PLD5: variants seen among roughly 807,000 people sequenced by gnomAD.
PLD5 encodes phospholipase D family member 5, also known as inactive phospholipase D5.
PLD5 carries 36 observed loss-of-function variants against 61.1 expected under a neutral mutation model. The ratio of observed to expected loss-of-function variants is 0.59; its 90% CI spans 0.45 to 0.78. The LOEUF (loss-of-function observed/expected upper bound fraction) is 0.78. Among genes scored for constraint, PLD5 ranks in the 30% least tolerant of loss-of-function variants. The pLI, the probability that PLD5 is intolerant of heterozygous loss-of-function variation, is 0.00. For synonymous variants in PLD5, 243 were observed against 242.8 expected (o/e 1.00, Z -0.01); for missense variants, 515 against 644.4 (o/e 0.80, Z 2.17).
chr1:242,382,401 G>C (rs1662349232), intron 1 of PLD5, among the ~76,000 whole-genome samples: 1 of 152,132 alleles, frequency 6.6e-6, no homozygotes, highest in South Asian at 2.1e-4. Context: ...GAGAGTGGTA[G>C]GTCAGAGGAG....
chr1:242,347,917 T>A (rs1660231358), intron 2 of PLD5, among the ~76,000 whole-genome samples, 189 bp downstream of exon 2: 1 of 152,152 alleles, frequency 6.6e-6, no homozygotes, highest in Non-Finnish European at 1.5e-5. Flanking sequence ...GATTGTAAAG[T>A]GAATTCAATC....
rs186688053 is a variant in PLD5 at position 242,356,842 on chromosome 1, C to T, written c.190-8600G>A. Among the ~76,000 whole-genome samples, 26 of 152,160 alleles carry T rather than the reference C, an allele frequency of 1.7e-4. No homozygotes were observed. In the East Asian group the frequency reaches 4.8e-3, roughly 28 times the overall value. On this transcript the variant is annotated intron_variant, in intron 1 of 9. Coordinates refer to ENST00000536534, the MANE Select transcript of PLD5 (RefSeq NM_001372062.1). ...TTACTCCCCTCTTCCAAATTTTATG[C>T]TTTTGATGTCCAAATTAACATTTTA...
intron 5 of PLD5, among the ~76,000 whole-genome samples, chr1:242,149,922 C>A (rs1048062484): frequency 2.0e-5 from 3 of 151,728 alleles, no homozygotes; most frequent in African/African-American, 7.3e-5. Flanking sequence ...TGTTCAAGAA[C>A]TAGATTTTTA....
chr1:242,271,481 A>C (rs2149112891), intron 3 of PLD5, among the ~76,000 whole-genome samples: 1 of 152,306 alleles, frequency 6.6e-6, no homozygotes, highest in Middle Eastern at 3.4e-3. Flanking sequence ...GAGAAAGAAC[A>C]ACCTCTCACC....
At chr1:242,487,232 G>T (rs1428556427) in intron 1 of PLD5, among the ~76,000 whole-genome samples, 1 of 150,874 alleles carries the variant, frequency 6.6e-6, no homozygotes, top group Non-Finnish European at 1.5e-5. Context: ...AGTGACCAAA[G>T]AAAAAAAAGA....
At chr1:242,457,943 C>G (rs945347460) in intron 1 of PLD5, among the ~76,000 whole-genome samples, 2 of 152,182 alleles carry the variant, frequency 1.3e-5, no homozygotes, top group Non-Finnish European at 2.9e-5. Flanking sequence ...TGTAGATGAT[C>G]GTTGTCCTGA....
At chr1:242,271,709 T>C (rs1356504393) in intron 3 of PLD5, among the ~76,000 whole-genome samples, 1 of 152,284 alleles carries the variant, frequency 6.6e-6, no homozygotes, top group African/African-American at 2.4e-5. Context: ...GGGGAACATA[T>C]TCATATTTAA....
intron 3 of PLD5, among the ~76,000 whole-genome samples, chr1:242,285,236 A>G (rs980674488): frequency 1.3e-5 from 2 of 152,206 alleles, no homozygotes; most frequent in Non-Finnish European, 2.9e-5. Context: ...TTCTACATCA[A>G]TAACATCTAC....
At chr1:242,529,795 C>CTTCT in the PLD5 span, among the ~76,000 whole-genome samples, 2 of 143,506 alleles carry the variant, frequency 1.4e-5, no homozygotes, top group Non-Finnish European at 3.1e-5. Context: ...TCCTTCCTTC[C>CTTCT]TTCCTTCCTT....
At chr1:242,512,862 CTT>C (rs768301503) in intron 1 of PLD5, among the ~76,000 whole-genome samples, 6 of 128,858 alleles carry the variant, frequency 4.7e-5, no homozygotes, top group Non-Finnish European at 1.0e-4. Flanking sequence ...CCACTGAATT[CTT>C]TTTTATTTTT....
intron 1 of PLD5, among the ~76,000 whole-genome samples, chr1:242,464,614 G>T (rs545213572): frequency 5.9e-5 from 9 of 152,288 alleles, no homozygotes; most frequent in Admixed American, 5.9e-4. Flanking sequence ...TCCTCAAAAG[G>T]TTAAACACAG....
intron 5 of PLD5, among the ~76,000 whole-genome samples, chr1:242,209,928 G>A (rs542367672): frequency 2.0e-5 from 3 of 152,248 alleles, no homozygotes; most frequent in South Asian, 2.1e-4. Flanking sequence ...CTGAGTAGCT[G>A]GGATTACAGG....
upstream of PLD5, among the ~76,000 whole-genome samples, chr1:242,529,285 AT>A (rs948656979): frequency 7.2e-5 from 11 of 152,276 alleles, no homozygotes; most frequent in African/African-American, 2.4e-4. Context: ...TAAAATGACA[AT>A]GAAGGTTTTT....
At chr1:242,512,565 C>T (rs1281005854) in intron 1 of PLD5, among the ~76,000 whole-genome samples, 4 of 152,098 alleles carry the variant, frequency 2.6e-5, no homozygotes, top group African/African-American at 9.7e-5. Context: ...CAAGCTAGAA[C>T]AATGTACTCA....
chr1:242,503,580 C>A (rs1469696348), intron 1 of PLD5, among the ~76,000 whole-genome samples: 1 of 152,188 alleles, frequency 6.6e-6, no homozygotes, highest in Non-Finnish European at 1.5e-5. Flanking sequence ...TATAAGCAGA[C>A]CTGTGCTTCA....
In PLD5 at chr1:242,100,724, G is replaced by T. The variant is rs758123792; in HGVS notation, c.1298C>A (p.Thr433Asn). 9.3e-6 allele frequency: 15 copies of T among 1,613,842 alleles called. No individual in the cohort carries two copies. Among genetic ancestry groups the T allele is most frequent in the Non-Finnish European group, 1.0e-5 (12 of 1,180,008 alleles). Reference sequence around the variant, plus strand: ...CTTGTTGCGATTTAACCTAGGAAAGGTGTGATTCTTTTGTTCTTTTGTAGC... The same window carrying T: ...CTTGTTGCGATTTAACCTAGGAAAGTTGTGATTCTTTTGTTCTTTTGTAGC... ...ACATKEQKNH[T>N]FPRLNRNKYM... Residue 433 changes from threonine (T) to asparagine (N), a missense_variant, in exon 9 of 10, where the codon ACC becomes AAC. Coordinates refer to ENST00000536534, the MANE Select transcript of PLD5 (RefSeq NM_001372062.1).
Position 242,100,695 on chromosome 1 carries a change from T to G in PLD5, c.1327A>C (p.Met443Leu), listed in dbSNP as rs781586991. ...ATATAAGCTGCTCCATCTGTCACCA[T>G]GTACTTGTTGCGATTTAACCTAGGA... ...TFPRLNRNKYMVTDGAAYIGN... is the reference protein window; with the variant it reads ...TFPRLNRNKYLVTDGAAYIGN... Residue 443 changes from methionine (M) to leucine (L), a missense_variant, in exon 9 of 10, where the codon ATG (methionine) becomes CTG (leucine). Around this residue, in one of 2 missense-constraint regions of PLD5, gnomAD observed 450 missense variants for 598.1 expected, o/e 0.75. Transcript: ENST00000536534. The G allele has an allele frequency of 1.2e-6, 2 of 1,613,926 alleles. No homozygotes were observed. Among genetic ancestry groups the G allele is most frequent in the Non-Finnish European group, 1.7e-6 (2 of 1,179,924 alleles).
chr1:242,471,374 G>T (rs1667444347), intron 1 of PLD5, among the ~76,000 whole-genome samples: 1 of 152,168 alleles, frequency 6.6e-6, no homozygotes, highest in Non-Finnish European at 1.5e-5. Flanking sequence ...CTCCTGAGGA[G>T]CCAATCCCAT....
chr1:242,490,210 G>A (rs10803047), intron 1 of PLD5, among the ~76,000 whole-genome samples: 48,295 of 151,958 alleles, frequency 0.32, 8,108 homozygotes, highest in Admixed American at 0.43. Flanking sequence ...GTTAGGTTTG[G>A]GTCTTACTGG....
Sources: gnomAD v4.1 joint callset for allele counts (sites outside exome capture counted in the v4.1 genomes callset) on GRCh38, gnomAD v4.1.1 for gene constraint, gnomAD v4.1.1 regional missense constraint, MANE v1.5 for transcripts, NCBI Gene and HGNC (gene_info 2026-07-23, HGNC 2026-07-21) for gene names.